Variants in FGD6 observed in about 807,000 individuals in gnomAD.
FGD6 encodes FYVE, RhoGEF and PH domain containing 6.
Under a neutral mutation model 149.4 loss-of-function variants are expected in FGD6, and 90 were observed. The ratio of observed to expected loss-of-function variants is 0.60; its 90% CI spans 0.51 to 0.72. The LOEUF is 0.72. FGD6 is among the 30% of genes least tolerant of loss of function. FGD6 has a pLI of 0.00. For synonymous variants in FGD6, 527 were observed against 584.0 expected, an observed-to-expected ratio of 0.90 and a Z score of 1.41; for missense variants, 1,437 against 1,684.8, an observed-to-expected ratio of 0.85 and a Z score of 2.57.
At position 95,153,140 on chromosome 12, in the gene FGD6, G is replaced by A. The variant is rs184096838; in HGVS notation, c.2587-147C>T. The stretch of plus-strand genomic sequence containing the variant: ...CCATATAACATTTCAAATGGCAAAC[G>A]TGGAGAATTGGATGAGGGATAAACC... On this transcript the variant is annotated intron_variant, in intron 3 of 20. Coordinates refer to ENST00000343958, the MANE Select transcript of FGD6 (RefSeq NM_018351.4). The A allele has an allele frequency of 1.5e-4, 100 of 662,542 alleles. No homozygotes were observed. The East Asian group carries it at 2.3e-3, about 15-fold the overall frequency. 41.0% of individuals were successfully genotyped at this position (662,542 alleles called of 1,614,324 possible).
intron 18 of FGD6, among the ~76,000 whole-genome samples, chr12:95,087,062 G>T (rs557760446): frequency 1.3e-5 from 2 of 149,634 alleles, no homozygotes; most frequent in South Asian, 4.3e-4. Flanking sequence ...TGGCCAGGTT[G>T]GTGTTGATTT....
In FGD6 at chr12:95,209,480, T is replaced by C; in HGVS notation, c.1804A>G (p.Arg602Gly). 6.2e-7 allele frequency: 1 copy of C among 1,612,320 alleles called. No homozygotes were observed. The highest frequency in any genetic ancestry group is 8.5e-7 in the Non-Finnish European group (1 of 1,179,400). Residue 602 changes from arginine (R) to glycine (G), a missense_variant, in exon 2 of 21, where the codon AGA becomes GGA. By Grantham distance (125) the Arg-to-Gly change is moderately radical. Around this residue, in one of 2 missense-constraint regions of FGD6, gnomAD observed 1,055 missense variants for 1,146.0 expected, o/e 0.92. Transcript: ENST00000343958. ...SEPSTALTKP[R>G]AKSLSAMDVE... ...TCCATAGCAGATAACGATTTTGCTC[T>C]GGGCTTGGTTAGGGCTGTTGAAGGC...
At chr12:95,207,927 GT>G (rs1565924327) in intron 2 of FGD6, among the ~76,000 whole-genome samples, 2 of 152,140 alleles carry the variant, frequency 1.3e-5, no homozygotes, top group African/African-American at 4.8e-5. Context: ...GATGGAGTAG[GT>G]ATTCCACAGG....
intron 2 of FGD6, among the ~76,000 whole-genome samples, chr12:95,197,222 T>C (rs1421222263): frequency 6.6e-6 from 1 of 151,982 alleles, no homozygotes; most frequent in Non-Finnish European, 1.5e-5. Context: ...GTGGATCACT[T>C]GAGGTCAGGA....
chr12:95,217,430 G>C lies in FGD6; in HGVS notation c.-190C>G. 4.3e-6 allele frequency: 4 copies of C among 926,220 alleles called. No individual in the cohort carries two copies. The highest frequency in any genetic ancestry group is 5.9e-6 in the Non-Finnish European group (4 of 672,270). 57.4% of individuals were successfully genotyped at this position (926,220 alleles called of 1,614,324 possible). On this transcript the variant is annotated 5_prime_UTR_variant, in exon 1 of 21. Transcript: ENST00000343958. ...ACTCTAGCGACCCTGCGGCGCTCCC[G>C]GGCGCGAGCCGCCGGGGTCGGGCGG...
intron 1 of FGD6, among the ~76,000 whole-genome samples, chr12:95,216,682 A>AC (rs1197223256): frequency 4.0e-5 from 6 of 151,470 alleles, no homozygotes; most frequent in Non-Finnish European, 8.8e-5. Context: ...AAAAAAAAAA[A>AC]AAAAAAAAAC....
In FGD6 at chr12:95,104,269, T is replaced by C. The variant is rs76046022; in HGVS notation, c.3497+738A>G. On this transcript the variant is annotated intron_variant, in intron 14 of 20. Transcript: ENST00000343958. Reference sequence around the variant, plus strand: ...AAGTGCAAAAAGTGTTGGCAATATCTTTCCCTGTTATACTCACAAAAATCT... The same window carrying C: ...AAGTGCAAAAAGTGTTGGCAATATCCTTCCCTGTTATACTCACAAAAATCT... Among the ~76,000 whole-genome samples the C allele has an allele frequency of 5.5e-3, 834 of 152,192 alleles. 40 individuals are homozygous for C. The East Asian group carries it at 0.14, about 25-fold the overall frequency.
Position 95,153,950 on chromosome 12 carries a change from TGAGA to T in FGD6, c.2587-961_2587-958del, listed in dbSNP as rs66485554. Among the ~76,000 whole-genome samples, 1,280 of 141,260 alleles carry T rather than the reference TGAGA, an allele frequency of 9.1e-3. 6 individuals carry two copies. Among genetic ancestry groups the T allele is most frequent in the East Asian group, 0.018 (80 of 4,492 alleles). 92.7% of individuals were successfully genotyped at this position (141,260 alleles called of 152,430 possible). A position where few individuals can be genotyped will look rare whatever the true frequency, so the allele number is the denominator to read the frequency against. On this transcript the variant is annotated intron_variant, in intron 3 of 20. Coordinates refer to ENST00000343958, the MANE Select transcript of FGD6 (RefSeq NM_018351.4). The stretch of plus-strand genomic sequence containing the variant: ...GTGTGTGTGTGTGTGTGTGTGTGAG[TGAGA>T]GAGAGAAGAGACAGAGAGAGAGAGA...
chr12:95,157,980 TG>T (rs1300109865), intron 3 of FGD6, among the ~76,000 whole-genome samples: 1 of 152,048 alleles, frequency 6.6e-6, no homozygotes, highest in African/African-American at 2.4e-5. Context: ...CCCGAGTAGC[TG>T]GAACTACAGG....
chr12:95,087,792 A>G (rs1443148078), intron 18 of FGD6, among the ~76,000 whole-genome samples: 1 of 152,152 alleles, frequency 6.6e-6, no homozygotes, highest in Non-Finnish European at 1.5e-5. Context: ...ATAATTATAT[A>G]TTGTTTAGTG....
chr12:95,136,260 A>C (rs1050185438), intron 7 of FGD6, among the ~76,000 whole-genome samples: 1 of 152,108 alleles, frequency 6.6e-6, no homozygotes, highest in African/African-American at 2.4e-5. Flanking sequence ...CGGGAGGCTG[A>C]GGCAGGAAAA....
At chr12:95,195,504 A>G (rs1345382764) in intron 2 of FGD6, among the ~76,000 whole-genome samples, 1 of 151,602 alleles carries the variant, frequency 6.6e-6, no homozygotes, top group African/African-American at 2.4e-5. Flanking sequence ...TAGACTAAAA[A>G]CTGAAAGCCT....
intron 8 of FGD6, among the ~76,000 whole-genome samples, chr12:95,127,008 T>A (rs1879365163): frequency 6.6e-6 from 1 of 152,120 alleles, no homozygotes; most frequent in Non-Finnish European, 1.5e-5. Context: ...GAATTCTGAG[T>A]TGCATTATCT....
chr12:95,137,535 A>G lies in FGD6; in HGVS notation c.2981T>C (p.Val994Ala). Residue 994 changes from valine to alanine, a missense_variant, in exon 7 of 21, where the codon GTT becomes GCT. By Grantham distance (64) the Val-to-Ala change is moderately conservative. Transcript: ENST00000343958. ...AGTAGCAAATACCTCAAATTCTCTA[A>G]CAACAGCAGCAAAACCTGGATTTTT... The part of the protein sequence containing the change: ...CKKNPGFAAV[V>A]REFEMSPRCA... 6.3e-7 allele frequency: 1 copy of G among 1,589,166 alleles called. No homozygotes were observed. The highest frequency in any genetic ancestry group is 8.6e-7 in the Non-Finnish European group (1 of 1,169,214).
At position 95,209,686 on chromosome 12, in the gene FGD6, T is replaced by A. The variant is rs770520372; in HGVS notation, c.1598A>T (p.Glu533Val). 1 of 1,613,462 alleles carries A rather than the reference T, an allele frequency of 6.2e-7. No individual in the cohort carries two copies. The highest frequency in any genetic ancestry group is 1.1e-5 in the South Asian group (1 of 90,858). The change falls in exon 2 of 21, where the codon GAG becomes GTG. Residue 533 changes from glutamate (E) to valine (V), a missense_variant. This residue lies in a region of FGD6 where 1,055 missense variants were observed against 1,146.0 expected (regional missense o/e 0.92). Transcript: ENST00000343958. ...SYPSSEEKSS[E>V]KSLERNHLQH... ...AAGGTGATTTCTTTCTAGACTCTTC[T>A]CTGAACTTTTTTCTTCACTTGAAGG...
intron 5 of FGD6, 148 bp downstream of exon 5, chr12:95,152,659 CTCTT>C: frequency 1.4e-6 from 1 of 695,168 alleles, no homozygotes; most frequent in South Asian, 2.0e-5. Context: ...GCTACTAAGA[CTCTT>C]TCAGAAATCA....
intron 2 of FGD6, among the ~76,000 whole-genome samples, chr12:95,202,156 G>A (rs535126838): frequency 2.6e-5 from 4 of 152,094 alleles, no homozygotes; most frequent in East Asian, 1.9e-4. Flanking sequence ...TTGGGAGGCC[G>A]AGGTGGGCTG....
chr12:95,134,199 A>C (rs1489655088), intron 8 of FGD6, among the ~76,000 whole-genome samples: 1 of 152,070 alleles, frequency 6.6e-6, no homozygotes, highest in Non-Finnish European at 1.5e-5. Context: ...CCTGGGCTCA[A>C]AGATCCTCCC....
chr12:95,113,210 G>A (rs1281001213), intron 9 of FGD6, among the ~76,000 whole-genome samples: 1 of 148,060 alleles, frequency 6.8e-6, no homozygotes, highest in Non-Finnish European at 1.5e-5. Context: ...TCAAAATGGA[G>A]TTTCCAGGAA....
Sources: allele counts gnomAD v4.1 joint callset (sites outside exome capture counted in the v4.1 genomes callset), GRCh38; gene constraint gnomAD v4.1.1; regional missense constraint gnomAD v4.1.1; transcripts MANE v1.5; gene names NCBI Gene and HGNC (gene_info 2026-07-23, HGNC 2026-07-21).